PPP1R9A: variants seen among roughly 807,000 people sequenced by gnomAD.
PPP1R9A encodes protein phosphatase 1 regulatory subunit 9A, also known as neurabin-1.
PPP1R9A carries 59 observed loss-of-function variants against 141.9 expected under a neutral mutation model. The ratio of observed to expected loss-of-function variants is 0.42; its 90% CI spans 0.34 to 0.52. The LOEUF (loss-of-function observed/expected upper bound fraction) is 0.52. Ranked by LOEUF, PPP1R9A falls within the 20% of genes least tolerant of loss-of-function variation. The probability of loss-of-function intolerance (pLI) is 0.10; values close to 1 mark genes in which losing one functional copy is unlikely to be tolerated. For missense variants in PPP1R9A, 1,444 were observed against 1,611.9 expected, an observed-to-expected ratio of 0.90 and a Z score of 1.78; for synonymous variants, 500 against 569.7, an observed-to-expected ratio of 0.88 and a Z score of 1.74.
At chr7:94,995,932 C>T (rs1454184782) in intron 2 of PPP1R9A, among the ~76,000 whole-genome samples, 2 of 151,968 alleles carry the variant, frequency 1.3e-5, no homozygotes, top group East Asian at 3.8e-4. Flanking sequence ...TTCTGGGATG[C>T]ACTTAAGTTA....
intron 2 of PPP1R9A, among the ~76,000 whole-genome samples, chr7:95,028,829 A>G (rs541745573): frequency 3.9e-4 from 59 of 152,322 alleles, no homozygotes; most frequent in African/African-American, 1.4e-3. Context: ...GCATTGACAT[A>G]ATAGCCCTCT....
chr7:95,017,008 G>A (rs759357307), intron 2 of PPP1R9A, among the ~76,000 whole-genome samples: 7 of 152,230 alleles, frequency 4.6e-5, no homozygotes, highest in East Asian at 3.9e-4. Context: ...GAGAAGAGAC[G>A]CAGTGGGAAG....
intron 2 of PPP1R9A, among the ~76,000 whole-genome samples, chr7:94,948,624 T>C (rs143694939): frequency 3.1e-4 from 47 of 152,272 alleles, no homozygotes; most frequent in African/African-American, 1.1e-3. Context: ...AAAGGAAGTA[T>C]AGCTAGCTTT....
chr7:95,257,106 G>A, intron 12 of PPP1R9A, among the ~76,000 whole-genome samples: 1 of 152,022 alleles, frequency 6.6e-6, no homozygotes, highest in Non-Finnish European at 1.5e-5. Flanking sequence ...CCCAGAATAG[G>A]GCCAAGGTGA....
At chr7:95,276,108 A>G (rs2153062455) in intron 16 of PPP1R9A, among the ~76,000 whole-genome samples, 1 of 152,320 alleles carries the variant, frequency 6.6e-6, no homozygotes, top group Non-Finnish European at 1.5e-5. Context: ...GGAGAAAGAG[A>G]TGCATAAATA....
intron 4 of PPP1R9A, among the ~76,000 whole-genome samples, chr7:95,152,007 A>G (rs1305058711): frequency 8.3e-6 from 1 of 120,222 alleles, no homozygotes; most frequent in Non-Finnish European, 1.6e-5. Flanking sequence ...GCTAGAATGC[A>G]GTAGCACAAT....
At chr7:95,290,022 T>C in intron 19 of PPP1R9A, 69 bp from the exon 20 acceptor site, 2 of 1,574,588 alleles carry the variant, frequency 1.3e-6, no homozygotes, top group South Asian at 2.4e-5. Flanking sequence ...CTTGGATATA[T>C]GGTATGTTAA....
intron 5 of PPP1R9A, among the ~76,000 whole-genome samples, chr7:95,174,099 A>G (rs1012858478): frequency 6.6e-6 from 1 of 152,136 alleles, no homozygotes; most frequent in African/African-American, 2.4e-5. Flanking sequence ...ATAACTAAAA[A>G]CTGGAAACAA....
At chr7:95,136,120 T>C (rs928075171) in intron 4 of PPP1R9A, among the ~76,000 whole-genome samples, 2 of 152,284 alleles carry the variant, frequency 1.3e-5, no homozygotes, top group Non-Finnish European at 2.9e-5. Context: ...TCAAAGAATA[T>C]ATTGAGTACT....
Position 95,247,497 on chromosome 7 carries a change from G to A in PPP1R9A, c.2137G>A (p.Glu713Lys). 6.2e-7 allele frequency: 1 copy of A among 1,609,320 alleles called. No homozygotes were observed. The change falls in exon 9 of 20, where the codon GAA (glutamate) becomes AAA (lysine). Residue 713 changes from glutamate to lysine, a missense_variant. Transcript: ENST00000433360. ...GTTGCAAATCAAACATGCAGTTACA[G>A]AAGCAGAGATTCAAAAATTGAAGAC... ...KELQIKHAVT[E>K]AEIQKLKTKL...
intron 2 of PPP1R9A, among the ~76,000 whole-genome samples, chr7:95,108,307 C>CCTTT (rs1819891109): frequency 1.7e-5 from 1 of 59,616 alleles, no homozygotes; most frequent in Non-Finnish European, 3.1e-5. Context: ...CGTTTCTTTT[C>CCTTT]TTTTTTTTTT....
At chr7:95,180,253 A>G (rs756380264) in intron 5 of PPP1R9A, among the ~76,000 whole-genome samples, 5 of 152,096 alleles carry the variant, frequency 3.3e-5, no homozygotes, top group Non-Finnish European at 7.4e-5. Context: ...TCGACAAAGC[A>G]AACAAAACCA....
intron 2 of PPP1R9A, among the ~76,000 whole-genome samples, chr7:94,957,583 A>G (rs1797200167): frequency 6.6e-6 from 1 of 152,194 alleles, no homozygotes. Flanking sequence ...GATGATTTTA[A>G]TTCCTTTTCC....
At chr7:95,253,856 A>G (rs1799221716) in intron 12 of PPP1R9A, among the ~76,000 whole-genome samples, 2 of 152,194 alleles carry the variant, frequency 1.3e-5, no homozygotes, top group South Asian at 4.1e-4. Context: ...TATAGTTTAT[A>G]TATAATAAAT....
chr7:94,916,389 G>A (rs544421510), intron 2 of PPP1R9A, among the ~76,000 whole-genome samples: 40 of 152,308 alleles, frequency 2.6e-4, no homozygotes, highest in Non-Finnish European at 5.1e-4. Flanking sequence ...TTTGGAATAT[G>A]AATTTGAAGT....
intron 2 of PPP1R9A, among the ~76,000 whole-genome samples, chr7:94,987,218 G>A (rs1800963849): frequency 6.6e-6 from 1 of 152,142 alleles, no homozygotes; most frequent in Non-Finnish European, 1.5e-5. Context: ...CTTTGGCTGT[G>A]GCTCTGCTGT....
rs545740854 is a variant in PPP1R9A at position 95,187,800 on chromosome 7, ATTTGT to A, written c.1755-10546_1755-10542del. Among the ~76,000 whole-genome samples, 87 of 152,040 alleles carry A rather than the reference ATTTGT, an allele frequency of 5.7e-4. 1 individual carries two copies. The highest frequency in any genetic ancestry group is 2.0e-3 in the African/African-American group (84 of 41,470). ...GGACCAGATTATTTTATTTGCCTGTATTTGTTTAGTTTTGAGGGTTTTTTTTGAGT... is the reference window on the plus strand; with the variant it reads ...GGACCAGATTATTTTATTTGCCTGTATTAGTTTTGAGGGTTTTTTTTGAGT... On this transcript the variant is annotated intron_variant, in intron 5 of 19. Transcript: ENST00000433360.
intron 2 of PPP1R9A, among the ~76,000 whole-genome samples, chr7:94,936,688 G>A (rs1794807579): frequency 6.6e-6 from 1 of 151,284 alleles, no homozygotes; most frequent in South Asian, 2.1e-4. Context: ...GTGTGTTTGT[G>A]TATATATTTT....
At chr7:95,080,709 GA>G (rs1427364079) in intron 2 of PPP1R9A, among the ~76,000 whole-genome samples, 1 of 152,132 alleles carries the variant, frequency 6.6e-6, no homozygotes, top group East Asian at 1.9e-4. Flanking sequence ...TCTGTTTTTA[GA>G]GCTTCTCATG....
Sources: gnomAD v4.1 joint callset for allele counts (sites outside exome capture counted in the v4.1 genomes callset) on GRCh38, gnomAD v4.1.1 for gene constraint, MANE v1.5 for transcripts, NCBI Gene and HGNC (gene_info 2026-07-23, HGNC 2026-07-21) for gene names.